BRIX1: variants seen among roughly 807,000 people sequenced by gnomAD.
BRIX1 encodes the protein ribosome biogenesis protein BRX1 homolog.
A neutral mutation model predicts 44.0 loss-of-function variants in BRIX1; 15 were observed. The observed-to-expected ratio is 0.34, with a 90% CI of 0.23 to 0.53. The LOEUF (loss-of-function observed/expected upper bound fraction) is 0.53, where lower values mean the gene tolerates loss of function less well. Ranked by LOEUF, BRIX1 falls within the 20% of genes least tolerant of loss-of-function variation. The pLI is 0.95. For missense variants in BRIX1, 420 were observed against 432.8 expected (o/e 0.97, Z 0.26); for synonymous variants, 149 against 135.4 (o/e 1.10, Z -0.70).
chr5:34,922,497 C>T, intron 4 of BRIX1, 42 bp from the exon 5 acceptor site: 1 of 1,291,636 alleles, frequency 7.7e-7, no homozygotes, highest in Non-Finnish European at 1.1e-6. Context: ...GCATTGACTA[C>T]ATTTGCTAAT....
chr5:34,919,906 A>G, intron 3 of BRIX1, 23 bp downstream of exon 3: 1 of 971,450 alleles, frequency 1.0e-6, no homozygotes, highest in South Asian at 1.6e-5. Context: ...AGTAATTGCA[A>G]CAAAATATTT....
chr5:34,919,942 C>T, intron 3 of BRIX1, 59 bp downstream of exon 3: 1 of 644,732 alleles, frequency 1.6e-6, no homozygotes. Context: ...TGGCTTATTT[C>T]AAAACTAAGT....
chr5:34,925,869 T>TAGA lies in BRIX1; in HGVS notation c.*376_*378dup, dbSNP rs1157242348. On this transcript the variant is annotated 3_prime_UTR_variant, in exon 10 of 10. Transcript: ENST00000336767. The stretch of plus-strand genomic sequence containing the variant: ...GGATGGTAAAGTAGGAGTAGACTGG[T>TAGA]AGAAAGGAAGGCATCTCACTGAAGT... The TAGA allele has an allele frequency of 1.2e-5, 2 of 161,320 alleles. No homozygotes were observed. Among genetic ancestry groups the TAGA allele is most frequent in the African/African-American group, 4.8e-5 (2 of 41,608 alleles). 10.0% of individuals were successfully genotyped at this position (161,320 alleles called of 1,614,324 possible). A position where few individuals can be genotyped will look rare whatever the true frequency, so the allele number is the denominator to read the frequency against.
intron 8 of BRIX1, 29 bp downstream of exon 8, chr5:34,923,263 C>CT (rs752022954): frequency 3.2e-5 from 46 of 1,455,350 alleles, no homozygotes; most frequent in Non-Finnish European, 4.1e-5. Context: ...TTAATTATAC[C>CT]TTTTTTTTAA....
rs35326249 is a variant in BRIX1, at chr5:34,925,207, C to CT, written c.793-3dup. On this transcript the variant is annotated intron_variant, in intron 9 of 9. Coordinates refer to ENST00000336767, the MANE Select transcript of BRIX1 (RefSeq NM_018321.4). ...TATTTTTATTTCAAAAGCATCTAAT[C>CT]TTTTTTTTTTTTTTTTAGCATCGGC... is the stretch of plus-strand genomic sequence containing the variant. The CT allele has an allele frequency of 0.12, 158,887 of 1,333,674 alleles. 3,352 individuals carry two copies. Among genetic ancestry groups the CT allele is most frequent in the African/African-American group, 0.32 (20,571 of 64,664 alleles). 82.6% of individuals were successfully genotyped at this position (1,333,674 alleles called of 1,614,324 possible).
rs1764364571 is a variant in BRIX1 at position 34,925,727 on chromosome 5, A to T, written c.*232A>T. ...GTTTGTGTTGCTAAAAATGTAGCAC[A>T]CTTAATGTAGCCTGTTCTCTTGGGT... On this transcript the variant is annotated 3_prime_UTR_variant, in exon 10 of 10. Coordinates refer to ENST00000336767, the MANE Select transcript of BRIX1 (RefSeq NM_018321.4). The T allele has an allele frequency of 4.4e-6, 2 of 450,968 alleles. No homozygotes were observed. Among genetic ancestry groups the T allele is most frequent in the South Asian group, 6.9e-5 (2 of 29,034 alleles). The allele number at this position is 450,968 out of a possible 1,614,324, so 27.9% of individuals were successfully genotyped here.
At chr5:34,916,053 AG>A in intron 1 of BRIX1, 156 bp downstream of exon 1, 1 of 843,928 alleles carries the variant, frequency 1.2e-6, no homozygotes, top group East Asian at 3.1e-5. Flanking sequence ...CTGGGCACGG[AG>A]TTTGCAGCTA....
intron 9 of BRIX1, 65 bp from the exon 10 acceptor site, chr5:34,925,161 C>G: frequency 6.8e-7 from 1 of 1,465,764 alleles, no homozygotes; most frequent in South Asian, 1.4e-5. Flanking sequence ...AACTGAAAGT[C>G]TTTGCCTTAT....
At position 34,915,760 on chromosome 5, in the gene BRIX1, C is replaced by G; in HGVS notation, c.22C>G (p.Arg8Gly). Residue 8 changes from arginine (R) to glycine (G), a missense_variant, in exon 1 of 10, where the codon CGG becomes GGG. Physicochemically the swap from Arg to Gly is moderately radical, Grantham distance 125. Transcript: ENST00000336767. ...CAAGATGGCGGCAACCAAGAGGAAA[C>G]GGCGTGGAGGCTTTGCAGTTCAGGC... MAATKRKRRGGFAVQAKK... is the reference protein window; with the variant it reads MAATKRKGRGGFAVQAKK... The G allele has an allele frequency of 6.2e-7, 1 of 1,603,060 alleles. No individual in the cohort carries two copies. The highest frequency in any genetic ancestry group is 1.3e-5 in the African/African-American group (1 of 74,722).
Position 34,915,728 on chromosome 5 carries a change from G to C in BRIX1, c.-11G>C. On this transcript the variant is annotated 5_prime_UTR_variant, in exon 1 of 10. Transcript: ENST00000336767. ...CGGAAAGGAGGCCAAGAGCGCGGGC[G>C]GCGAGGCAAGATGGCGGCAACCAAG... 1 of 1,594,640 alleles carries C rather than the reference G, an allele frequency of 6.3e-7. No individual in the cohort carries two copies. Among genetic ancestry groups the C allele is most frequent in the African/African-American group, 1.3e-5 (1 of 74,372 alleles).
At chr5:34,916,147 G>C (rs966944701) in intron 1 of BRIX1, 5 of 383,600 alleles carry the variant, frequency 1.3e-5, no homozygotes, top group Non-Finnish European at 2.3e-5. Flanking sequence ...CTTACAGGGT[G>C]CTCAGATCCA....
At position 34,923,120 on chromosome 5, in the gene BRIX1, CTTT is replaced by C. The variant is rs1469885412; in HGVS notation, c.562-9_562-7del. 1.2e-6 allele frequency: 2 copies of C among 1,606,642 alleles called. No homozygotes were observed. Among genetic ancestry groups the C allele is most frequent in the Admixed American group, 3.3e-5 (2 of 59,988 alleles). Reference sequence around the variant, plus strand: ...TCTTGGAATAAGGAACTAACATACACTTTTTTAACTAGATCTTTAGTACACCAC... The same window carrying C: ...TCTTGGAATAAGGAACTAACATACACTTTAACTAGATCTTTAGTACACCAC... On this transcript the variant is annotated splice_polypyrimidine_tract_variant and intron_variant, in intron 7 of 9. Transcript: ENST00000336767.
At chr5:34,917,032 C>T (rs1206515700) in intron 1 of BRIX1, among the ~76,000 whole-genome samples, 1 of 151,962 alleles carries the variant, frequency 6.6e-6, no homozygotes, top group Non-Finnish European at 1.5e-5. Context: ...ATTATTTTTA[C>T]CCTAGTATAA....
At position 34,918,386 on chromosome 5, in the gene BRIX1, G is replaced by A. The variant is rs751475860; in HGVS notation, c.182G>A (p.Arg61Gln). ...VCKGKWKNKE[R>Q]ILIFSSRGIN... ...TAGGGAAAGTGGAAAAATAAGGAAC[G>A]GATTCTCATCTTTTCTTCCAGAGGA... Residue 61 changes from arginine (R) to glutamine (Q), a missense_variant, in exon 2 of 10, where the codon CGG (arginine) becomes CAG (glutamine). Transcript: ENST00000336767. 7 of 1,565,354 alleles carry A rather than the reference G, an allele frequency of 4.5e-6. No homozygotes were observed. The South Asian group carries it at 6.8e-5, about 15-fold the overall frequency.
In BRIX1 at chr5:34,919,887, A is replaced by G. The variant is rs767512794; in HGVS notation, c.315+4A>G. 2 of 1,136,994 alleles carry G rather than the reference A, an allele frequency of 1.8e-6. No homozygotes were observed. Among genetic ancestry groups the G allele is most frequent in the Non-Finnish European group, 2.6e-6 (2 of 781,910 alleles). 70.4% of individuals were successfully genotyped at this position (1,136,994 alleles called of 1,614,324 possible). ...TAAGCTATTTGTGATTAACGAGGTA[A>G]TTTTGGAAAGTAATTGCAACAAAAT... On this transcript the variant is annotated splice_donor_region_variant and intron_variant, in intron 3 of 9. Transcript: ENST00000336767.
chr5:34,923,738 A>C (rs924233344), intron 8 of BRIX1, among the ~76,000 whole-genome samples: 1 of 152,220 alleles, frequency 6.6e-6, no homozygotes, highest in African/African-American at 2.4e-5. Flanking sequence ...ATAAGGATAT[A>C]CAGGGTTTGC....
Position 34,915,905 on chromosome 5 carries a change from G to A in BRIX1, c.159+8G>A, listed in dbSNP as rs1339481639. 1.3e-6 allele frequency: 2 copies of A among 1,546,892 alleles called. No individual in the cohort carries two copies. Among genetic ancestry groups the A allele is most frequent in the Middle Eastern group, 1.7e-4 (1 of 5,934 alleles). ...CCAGGCCCCGTTTGCAAGGTAGGAG[G>A]GGATGTCCCCGGGCTACACCTGCGG... On this transcript the variant is annotated splice_region_variant and intron_variant, in intron 1 of 9. Coordinates refer to ENST00000336767, the MANE Select transcript of BRIX1 (RefSeq NM_018321.4).
rs1050196897 is a variant in BRIX1 at position 34,922,547 on chromosome 5, A to G, written c.395A>G (p.Asn132Ser). The part of the protein sequence containing the change: ...KKQDLYMWLS[N>S]SPHGPSAKFL... ...TACTCCATATCTTTCAGGCTTTCAA[A>G]TTCACCTCACGGACCATCTGCTAAA... Residue 132 changes from asparagine (N) to serine (S), a missense_variant, in exon 5 of 10, where the codon AAT (asparagine) becomes AGT (serine). Coordinates refer to ENST00000336767, the MANE Select transcript of BRIX1 (RefSeq NM_018321.4). 4 of 1,607,602 alleles carry G rather than the reference A, an allele frequency of 2.5e-6. No homozygotes were observed. In the African/African-American group the frequency reaches 4.0e-5, roughly 16 times the overall value.
At chr5:34,922,667 A>T in intron 5 of BRIX1, 28 bp from the exon 6 acceptor site, 1 of 1,606,426 alleles carries the variant, frequency 6.2e-7, no homozygotes, top group Non-Finnish European at 8.5e-7. Flanking sequence ...AGTTACAACT[A>T]TTTTTGTTTT....
Sources: gnomAD v4.1 joint callset for allele counts (sites outside exome capture counted in the v4.1 genomes callset) on GRCh38, gnomAD v4.1.1 for gene constraint, MANE v1.5 for transcripts, NCBI Gene and HGNC (gene_info 2026-07-23, HGNC 2026-07-21) for gene names.